The following ZNRF3 variants were observed in gnomAD, a reference collection of about 807,000 sequenced individuals.
The protein encoded by ZNRF3 is zinc and ring finger 3.
A neutral mutation model predicts 72.5 loss-of-function variants in ZNRF3; 23 were observed. The observed-to-expected ratio is 0.32, with a 90% CI of 0.23 to 0.45. The LOEUF is 0.45. Among genes scored for constraint, ZNRF3 ranks in the 20% least tolerant of loss-of-function variants. ZNRF3 has a pLI of 1.00. For missense variants in ZNRF3, 1,169 were observed against 1,272.1 expected (o/e 0.92, Z 1.23); for synonymous variants, 610 against 545.3 (o/e 1.12, Z -1.65).
At chr22:29,026,625 T>C (rs958785133) in intron 2 of ZNRF3, 4 of 152,224 alleles carry the variant, frequency 2.6e-5, no homozygotes, top group Non-Finnish European at 5.9e-5. Flanking sequence ...GGGACTCCTG[T>C]GGCATGGAGG....
At chr22:28,985,922 A>G (rs1403851911) in intron 1 of ZNRF3, among the ~76,000 whole-genome samples, 1 of 152,160 alleles carries the variant, frequency 6.6e-6, no homozygotes, top group Non-Finnish European at 1.5e-5. Flanking sequence ...TCCATTTTTC[A>G]TCTTTGTCAG....
chr22:28,983,638 T>C (rs1053588862), intron 1 of ZNRF3, among the ~76,000 whole-genome samples: 1 of 152,228 alleles, frequency 6.6e-6, no homozygotes, highest in Admixed American at 6.5e-5. Flanking sequence ...CTTTGCGTCA[T>C]GGATGTTCAG....
chr22:29,023,323 A>T (rs921936366), intron 2 of ZNRF3, among the ~76,000 whole-genome samples: 1 of 152,186 alleles, frequency 6.6e-6, no homozygotes, highest in East Asian at 1.9e-4. Context: ...CGCTGCCAGC[A>T]CACTCTGACC....
intron 2 of ZNRF3, among the ~76,000 whole-genome samples, chr22:29,004,766 G>A (rs748763932): frequency 4.3e-4 from 65 of 152,162 alleles, no homozygotes; most frequent in Non-Finnish European, 8.4e-4. Context: ...CTGCAGTGGC[G>A]GCTCCTTTGA....
At chr22:29,042,461 G>A (rs1230618145) in intron 2 of ZNRF3, 34 bp from the exon 3 acceptor site, 1 of 1,607,582 alleles carries the variant, frequency 6.2e-7, no homozygotes, top group East Asian at 2.2e-5. Flanking sequence ...AAGAGGACCA[G>A]AGGGCCAACC....
intron 1 of ZNRF3, among the ~76,000 whole-genome samples, chr22:28,961,798 C>T (rs1003249719): frequency 3.4e-4 from 52 of 152,234 alleles, no homozygotes; most frequent in African/African-American, 1.2e-3. Flanking sequence ...ATTTGAGTTT[C>T]TCCATGTTAC....
At chr22:28,911,832 T>C (rs2034324860) in intron 1 of ZNRF3, among the ~76,000 whole-genome samples, 1 of 152,166 alleles carries the variant, frequency 6.6e-6, no homozygotes, top group East Asian at 1.9e-4. Context: ...GTGAGTGTGC[T>C]CTCTTGAACA....
chr22:28,912,417 A>C (rs1485682058), intron 1 of ZNRF3, among the ~76,000 whole-genome samples: 1 of 152,086 alleles, frequency 6.6e-6, no homozygotes, highest in Non-Finnish European at 1.5e-5. Flanking sequence ...GCTTGATCTT[A>C]TCTCTTATCT....
intron 2 of ZNRF3, among the ~76,000 whole-genome samples, chr22:29,032,973 G>T (rs1233839071): frequency 6.6e-6 from 1 of 152,198 alleles, no homozygotes; most frequent in Admixed American, 6.5e-5. Flanking sequence ...GGCAGGGGGT[G>T]GGTAATGTGC....
chr22:28,921,678 A>G (rs1204329673), intron 1 of ZNRF3, among the ~76,000 whole-genome samples: 2 of 152,210 alleles, frequency 1.3e-5, no homozygotes, highest in Non-Finnish European at 2.9e-5. Context: ...AAGTTCACTG[A>G]GGTCAACAGC....
chr22:28,958,239 G>T (rs1178288299), intron 1 of ZNRF3, among the ~76,000 whole-genome samples: 1 of 152,176 alleles, frequency 6.6e-6, no homozygotes, highest in African/African-American at 2.4e-5. Flanking sequence ...AACAGCTAAG[G>T]TTGCAATTCA....
At chr22:29,052,691 CAAAAA>C (rs35759703) in intron 8 of ZNRF3, among the ~76,000 whole-genome samples, 2 of 118,248 alleles carry the variant, frequency 1.7e-5, no homozygotes, top group Admixed American at 8.5e-5. Context: ...GACTCCGTCT[CAAAAA>C]AAAAAAAAAA....
chr22:29,031,611 G>A, intron 2 of ZNRF3: 1 of 985,448 alleles, frequency 1.0e-6, no homozygotes, highest in Non-Finnish European at 1.2e-6. Flanking sequence ...ACTCGAGGAG[G>A]AGGAAAGGAA....
chr22:29,029,436 T>G (rs1376406129), intron 2 of ZNRF3, among the ~76,000 whole-genome samples: 1 of 152,222 alleles, frequency 6.6e-6, no homozygotes, highest in Non-Finnish European at 1.5e-5. Flanking sequence ...TTCATTTGCC[T>G]CATTGTAAGT....
At chr22:29,007,752 CTTTT>C (rs943507617) in intron 2 of ZNRF3, among the ~76,000 whole-genome samples, 2 of 43,686 alleles carry the variant, frequency 4.6e-5, no homozygotes, top group East Asian at 7.7e-4. Flanking sequence ...CCATTTCTTC[CTTTT>C]TTTTTTTTTT....
At chr22:29,045,365 A>G (rs2037048819) in intron 5 of ZNRF3, among the ~76,000 whole-genome samples, 1 of 143,678 alleles carries the variant, frequency 7.0e-6, no homozygotes, top group African/African-American at 2.5e-5. Context: ...TGTCTCACAA[A>G]AAAAAAAAAA....
At chr22:28,903,994 C>T (rs958907029) in intron 1 of ZNRF3, among the ~76,000 whole-genome samples, 1 of 152,090 alleles carries the variant, frequency 6.6e-6, no homozygotes, top group Non-Finnish European at 1.5e-5. Context: ...CCCTGTCTCT[C>T]TCCTCAAAGT....
intron 2 of ZNRF3, among the ~76,000 whole-genome samples, chr22:29,004,749 G>A (rs1248326587): frequency 6.6e-6 from 1 of 152,116 alleles, no homozygotes; most frequent in East Asian, 1.9e-4. Context: ...AGGAGGGCGG[G>A]TGGCGGCTGC....
intron 1 of ZNRF3, among the ~76,000 whole-genome samples, chr22:28,924,602 T>C (rs2034567766): frequency 6.6e-6 from 1 of 152,018 alleles, no homozygotes; most frequent in Non-Finnish European, 1.5e-5. Flanking sequence ...CTGGCTGTGG[T>C]GATGTGTGCC....
Sources: gnomAD v4.1 joint callset for allele counts (sites outside exome capture counted in the v4.1 genomes callset) on GRCh38, gnomAD v4.1.1 for gene constraint, MANE v1.5 for transcripts, NCBI Gene and HGNC (gene_info 2026-07-23, HGNC 2026-07-21) for gene names.